The following PCDHGA7 variants were observed in gnomAD, a reference collection of about 807,000 sequenced individuals.
The protein encoded by PCDHGA7 is protocadherin gamma-A7.
In PCDHGA7, 44 loss-of-function variants were observed where a neutral mutation model predicts 58.3. The observed-to-expected ratio is 0.75, with a 90% CI of 0.59 to 0.97. The LOEUF is 0.97. Ranked by LOEUF, PCDHGA7 falls within the 50% of genes least tolerant of loss-of-function variation. PCDHGA7 has a pLI of 0.00. For synonymous variants in PCDHGA7, 516 were observed against 504.2 expected (o/e 1.02, Z -0.31); for missense variants, 1,266 against 1,188.7 (o/e 1.06, Z -0.96).
rs1472816403 is a variant in PCDHGA7 at position 141,451,473 on chromosome 5, C to T, written c.2425-43334C>T. On this transcript the variant is annotated intron_variant, in intron 1 of 3. Transcript: ENST00000518325. ...TGTTAGCTTGAGGTCTACCTCAGTTCCTTGCCATGTGGACCTCCATAGGGC... is the reference window on the plus strand; with the variant it reads ...TGTTAGCTTGAGGTCTACCTCAGTTTCTTGCCATGTGGACCTCCATAGGGC... Among the ~76,000 whole-genome samples the T allele has an allele frequency of 2.0e-5, 3 of 152,218 alleles. No homozygotes were observed. In the East Asian group the frequency reaches 5.8e-4, roughly 29 times the overall value.
At position 141,479,006 on chromosome 5, in the gene PCDHGA7, T is replaced by C. The variant is rs148063283; in HGVS notation, c.2425-15801T>C. On this transcript the variant is annotated intron_variant, in intron 1 of 3. Transcript: ENST00000518325. ...ACATTTGTATTAAAACTAATAGCTT[T>C]TTGATAATTTTCCTTTGTTTATACA... Among the ~76,000 whole-genome samples the C allele has an allele frequency of 1.2e-3, 179 of 152,340 alleles. 2 individuals are homozygous for C. The highest frequency in any genetic ancestry group is 0.011 in the Admixed American group (170 of 15,300).
At chr5:141,414,812 T>C (rs1389980970) in intron 1 of PCDHGA7, 1 of 1,614,172 alleles carries the variant, frequency 6.2e-7, no homozygotes, top group South Asian at 1.1e-5. Flanking sequence ...GATCCTCCAC[T>C]CAGCAGCAAC....
At chr5:141,423,679 C>T in intron 1 of PCDHGA7, 2 of 1,487,594 alleles carry the variant, frequency 1.3e-6, no homozygotes, top group South Asian at 1.3e-5. Context: ...TATTTCTCTG[C>T]CTCCTAATTG....
In PCDHGA7 at chr5:141,487,128, G is replaced by T. The variant is rs565927415; in HGVS notation, c.2425-7679G>T. On this transcript the variant is annotated intron_variant, in intron 1 of 3. Transcript: ENST00000518325. This position sits in a 1 kb window ranked among gnomAD's most constrained non-coding sequence, Gnocchi z 5.0. ...GTCATTGTGGTAAAGGATAGTGGTA[G>T]TCCACCACTCTCTACCTCTGTTACT... The T allele has an allele frequency of 6.3e-5, 102 of 1,614,086 alleles. No individual in the cohort carries two copies. The South Asian group carries it at 7.7e-4, about 12-fold the overall frequency.
rs146235929 is a variant in PCDHGA7 at position 141,511,610 on chromosome 5, C to A, written c.*437C>A. On this transcript the variant is annotated 3_prime_UTR_variant, in exon 4 of 4. Transcript: ENST00000518325. ...GAAGTACCAAGTAACCTACAAGCCT[C>A]CTAGTTCTGAAAAGTTGGAAGGGCA... 1.0e-3 allele frequency: 247 copies of A among 237,682 alleles called. 1 individual carries two copies. The highest frequency in any genetic ancestry group is 5.2e-3 in the African/African-American group (235 of 45,400). The allele number at this position is 237,682 out of a possible 1,614,324, so 14.7% of individuals were successfully genotyped here. A position where few individuals can be genotyped will look rare whatever the true frequency, so the allele number is the denominator to read the frequency against.
chr5:141,469,918 G>T (rs2099215604), intron 1 of PCDHGA7, among the ~76,000 whole-genome samples: 2 of 152,148 alleles, frequency 1.3e-5, no homozygotes, highest in African/African-American at 4.8e-5. Context: ...ACCACCCGAG[G>T]TCAGGAGTTT....
chr5:141,429,105 C>A (rs936114624), intron 1 of PCDHGA7: 2 of 152,318 alleles, frequency 1.3e-5, no homozygotes, highest in African/African-American at 4.8e-5. Flanking sequence ...CTGCCCGCCT[C>A]GGCCTCCCAA....
chr5:141,393,874 G>C, intron 1 of PCDHGA7: 1 of 1,613,944 alleles, frequency 6.2e-7, no homozygotes. Context: ...TCTTTGTTTA[G>C]CCCAGTGTTA....
chr5:141,462,431 T>G (rs1345184304), intron 1 of PCDHGA7, among the ~76,000 whole-genome samples: 1 of 152,246 alleles, frequency 6.6e-6, no homozygotes, highest in East Asian at 1.9e-4. Context: ...TGGTGAGTGT[T>G]GCTTACACAC....
intron 1 of PCDHGA7, chr5:141,410,181 T>C: frequency 6.2e-7 from 1 of 1,613,814 alleles, no homozygotes; most frequent in South Asian, 1.1e-5. Context: ...ACCGCCACGC[T>C]TCATCTGGTC....
Position 141,383,917 on chromosome 5 carries a change from G to A in PCDHGA7, c.1018G>A (p.Val340Ile). Residue 340 changes from valine (V) to isoleucine (I), a missense_variant, in exon 1 of 4, where the codon GTA becomes ATA. By Grantham distance (29) the Val-to-Ile change is conservative. Coordinates refer to ENST00000518325, the MANE Select transcript of PCDHGA7 (RefSeq NM_018920.4). The part of the protein sequence containing the change: ...KAKVLITVLD[V>I]NDNAPEVTMT... ...AAAAGTACTGATCACAGTTTTAGATGTAAATGATAATGCTCCAGAAGTGAC... is the reference window on the plus strand; with the variant it reads ...AAAAGTACTGATCACAGTTTTAGATATAAATGATAATGCTCCAGAAGTGAC... 1 of 1,613,928 alleles carries A rather than the reference G, an allele frequency of 6.2e-7. No individual in the cohort carries two copies. Among genetic ancestry groups the A allele is most frequent in the Non-Finnish European group, 8.5e-7 (1 of 1,179,866 alleles).
At chr5:141,417,626 T>G in intron 1 of PCDHGA7, 2 of 689,576 alleles carry the variant, frequency 2.9e-6, no homozygotes, top group East Asian at 2.9e-5. Flanking sequence ...GAGCAAGCGC[T>G]GACGCCGGGG....
chr5:141,451,497 G>T (rs2098717489), intron 1 of PCDHGA7, among the ~76,000 whole-genome samples: 1 of 152,214 alleles, frequency 6.6e-6, no homozygotes, highest in Admixed American at 6.5e-5. Flanking sequence ...CCTCCATAGG[G>T]CAACCAGCTT....
At chr5:141,392,891 C>G in intron 1 of PCDHGA7, 1 of 1,613,594 alleles carries the variant, frequency 6.2e-7, no homozygotes, top group Non-Finnish European at 8.5e-7. Context: ...TGTGGGAAAT[C>G]GGGAGGGGAC....
intron 1 of PCDHGA7, among the ~76,000 whole-genome samples, chr5:141,445,007 G>A (rs771023003): frequency 1.5e-4 from 23 of 151,994 alleles, no homozygotes; most frequent in Non-Finnish European, 2.4e-4. Flanking sequence ...ATTTAATTAG[G>A]TCTTTAATTT....
At chr5:141,420,907 C>G (rs916293573) in intron 1 of PCDHGA7, 3 of 301,914 alleles carry the variant, frequency 9.9e-6, no homozygotes, top group Admixed American at 4.6e-5. Context: ...TCTACAAATA[C>G]GTGTGATTCA....
At position 141,491,583 on chromosome 5, in the gene PCDHGA7, C is replaced by T; in HGVS notation, c.2425-3224C>T. On this transcript the variant is annotated intron_variant, in intron 1 of 3. Transcript: ENST00000518325. The surrounding 1 kb of genome is among the most constrained non-coding windows in gnomAD (Gnocchi z 6.9). ...GCTACAGGACGTGCTTTTCACCGGC[C>T]TCGGACGGCAGTGACTTCACTTTTC... 1 of 1,613,964 alleles carries T rather than the reference C, an allele frequency of 6.2e-7. No individual in the cohort carries two copies. Among genetic ancestry groups the T allele is most frequent in the African/African-American group, 1.3e-5 (1 of 75,032 alleles).
intron 1 of PCDHGA7, chr5:141,415,323 G>C: frequency 1.9e-6 from 3 of 1,614,236 alleles, no homozygotes; most frequent in South Asian, 2.2e-5. Flanking sequence ...TCGTGCTGCT[G>C]GCGCACAGGC....
chr5:141,415,039 G>A (rs761101620), intron 1 of PCDHGA7: 1 of 1,613,486 alleles, frequency 6.2e-7, no homozygotes, highest in South Asian at 1.1e-5. Context: ...GGGACTCTTC[G>A]CGGTGGGGGA....
Sources: gnomAD v4.1 joint callset for allele counts (sites outside exome capture counted in the v4.1 genomes callset) on GRCh38, gnomAD v4.1.1 for gene constraint, Gnocchi (gnomAD v3.1) non-coding constraint, MANE v1.5 for transcripts, NCBI Gene and HGNC (gene_info 2026-07-23, HGNC 2026-07-21) for gene names.